TPRG1: variants seen among roughly 807,000 people sequenced by gnomAD.
The protein encoded by TPRG1 is tumor protein p63 regulated 1, also known as tumor protein p63-regulated gene 1 protein.
A neutral mutation model predicts 29.3 loss-of-function variants in TPRG1; 29 were observed. The observed-to-expected ratio is 0.99, with a 90% CI of 0.74 to 1.35. TPRG1 has a LOEUF of 1.35. TPRG1 is among the 40% of genes most tolerant of loss of function. The pLI, the probability that TPRG1 is intolerant of heterozygous loss-of-function variation, is 0.00. For missense variants in TPRG1, 327 were observed against 335.0 expected, an observed-to-expected ratio of 0.98 and a Z score of 0.19; for synonymous variants, 130 against 116.8, an observed-to-expected ratio of 1.11 and a Z score of -0.73.
rs140549216 is a variant in TPRG1, at chr3:189,182,102, C to T, written c.-10+9971C>T. On this transcript the variant is annotated intron_variant, in intron 1 of 5. Transcript: ENST00000345063. Reference sequence around the variant, plus strand: ...CAATTACCTCCCACTGGGTTCCTCCCACAACACATGGGAATTCAAGATGAG... The same window carrying T: ...CAATTACCTCCCACTGGGTTCCTCCTACAACACATGGGAATTCAAGATGAG... Among the ~76,000 whole-genome samples the T allele has an allele frequency of 6.2e-3, 944 of 152,264 alleles. 14 individuals carry two copies. The highest frequency in any genetic ancestry group is 0.022 in the African/African-American group (913 of 41,550).
intron 5 of TPRG1, among the ~76,000 whole-genome samples, chr3:189,317,245 G>A (rs1723679271): frequency 6.6e-6 from 1 of 152,136 alleles, no homozygotes; most frequent in Admixed American, 6.6e-5. Context: ...CAATAGAATT[G>A]TTGAGATGAA....
chr3:189,099,962 G>T (rs557739780), upstream of TPRG1, among the ~76,000 whole-genome samples: 10 of 152,282 alleles, frequency 6.6e-5, no homozygotes, highest in South Asian at 2.1e-3. Context: ...GGTCCATCAT[G>T]CCTAAATACA....
In TPRG1 at chr3:189,207,492, G is replaced by T. The variant is rs1030451513; in HGVS notation, c.108G>T (p.Pro36=). The stretch of plus-strand genomic sequence containing the variant: ...ACCTATCGATGGAGGAAGAGGACCC[G>T]ATGCCAAGACAGATTTCAAGGCAGT... ...TDHLSMEEED[P]MPRQISRQSS... Residue 36 remains proline (P), a synonymous_variant, in exon 2 of 6, where the codon CCG becomes CCT. Coordinates refer to ENST00000345063, the MANE Select transcript of TPRG1 (RefSeq NM_198485.4). 1.2e-6 allele frequency: 2 copies of T among 1,614,010 alleles called. No individual in the cohort carries two copies. The highest frequency in any genetic ancestry group is 1.7e-6 in the Non-Finnish European group (2 of 1,179,968).
chr3:189,180,697 T>A (rs1249558854), intron 1 of TPRG1, among the ~76,000 whole-genome samples: 1 of 152,188 alleles, frequency 6.6e-6, no homozygotes, highest in Non-Finnish European at 1.5e-5. Flanking sequence ...CAGACTGACA[T>A]TGAGTATCTA....
At chr3:189,277,411 G>A (rs1211349970) in intron 4 of TPRG1, among the ~76,000 whole-genome samples, 2 of 152,172 alleles carry the variant, frequency 1.3e-5, no homozygotes, top group African/African-American at 4.8e-5. Flanking sequence ...GATTTGGGTG[G>A]TCTGATAGTT....
chr3:189,197,503 C>T (rs764433427), intron 1 of TPRG1, among the ~76,000 whole-genome samples: 1 of 152,180 alleles, frequency 6.6e-6, no homozygotes, highest in Non-Finnish European at 1.5e-5. Context: ...CCACAGTCTT[C>T]AGGGTCAGGC....
intron 4 of TPRG1, among the ~76,000 whole-genome samples, chr3:189,285,121 G>A (rs932694555): frequency 1.3e-5 from 2 of 152,148 alleles, no homozygotes; most frequent in Admixed American, 6.5e-5. Context: ...CCATCAACAA[G>A]TGGGCGAAGG....
chr3:189,108,299 G>A (rs1157084195), intron 1 of TPRG1, among the ~76,000 whole-genome samples: 1 of 152,114 alleles, frequency 6.6e-6, no homozygotes, highest in Non-Finnish European at 1.5e-5. Flanking sequence ...GGAAGCAGGG[G>A]CAAGCTGACA....
At chr3:189,000,903 T>G (rs1015710908) in exon 2 of TPRG1, 4 of 152,098 alleles carry the variant, frequency 2.6e-5, no homozygotes, top group African/African-American at 9.7e-5. Context: ...CAAGCGCTAC[T>G]GTGCTCAGGT....
At chr3:189,274,652 A>G (rs1435303366) in intron 4 of TPRG1, among the ~76,000 whole-genome samples, 1 of 152,012 alleles carries the variant, frequency 6.6e-6, no homozygotes. Context: ...AACTTTGACC[A>G]CTGATTCAAA....
rs187417549 is a variant in TPRG1 at position 189,053,229 on chromosome 3, C to G, written c.-463+29283C>G. Among the ~76,000 whole-genome samples the G allele has an allele frequency of 7.2e-5, 11 of 152,304 alleles. No homozygotes were observed. The East Asian group carries it at 2.1e-3, about 29-fold the overall frequency. ...AGCTTTTTTCTTTAAACCTCATGAA[C>G]CAACTTATACTAGCTTCCAACTTTT... On this transcript the variant is annotated intron_variant, in intron 4 of 10. Transcript: ENST00000433971.
At chr3:189,120,013 T>C (rs1397475927) in intron 1 of TPRG1, among the ~76,000 whole-genome samples, 1 of 152,194 alleles carries the variant, frequency 6.6e-6, no homozygotes, top group African/African-American at 2.4e-5. Context: ...GTCAAGTGTC[T>C]TGGAGACAAG....
intron 1 of TPRG1, among the ~76,000 whole-genome samples, chr3:189,184,843 C>T (rs1300443139): frequency 3.9e-5 from 6 of 152,204 alleles, no homozygotes; most frequent in African/African-American, 1.4e-4. Context: ...CTGTTCAGAA[C>T]ACTCAGTGTT....
chr3:189,240,647 C>T (rs1311478137), intron 4 of TPRG1: 1 of 152,076 alleles, frequency 6.6e-6, no homozygotes, highest in Non-Finnish European at 1.5e-5. Context: ...ACGAGAACAG[C>T]GCAGGAAAAA....
Position 189,146,932 on chromosome 3 carries a change from A to G in TPRG1, c.-290-652A>G, listed in dbSNP as rs760998309. Among the ~76,000 whole-genome samples the G allele has an allele frequency of 1.7e-4, 26 of 152,178 alleles. 1 individual carries two copies. Among genetic ancestry groups the G allele is most frequent in the Non-Finnish European group, 2.8e-4 (19 of 68,034 alleles). ...GCTAATGCTATTATTTAGTATATGG[A>G]CACAGGTACTGCACTAAACACTTTT... is the stretch of plus-strand genomic sequence containing the variant. On this transcript the variant is annotated intron_variant, in intron 3 of 6. Coordinates refer to the TPRG1 transcript ENST00000412373.
intron 4 of TPRG1, among the ~76,000 whole-genome samples, chr3:189,059,445 A>G (rs896206927): frequency 6.6e-6 from 1 of 152,068 alleles, no homozygotes; most frequent in Non-Finnish European, 1.5e-5. Flanking sequence ...ACAAAAAATT[A>G]GCTGGGTGTG....
intron 4 of TPRG1, among the ~76,000 whole-genome samples, chr3:189,149,704 C>T (rs1414890050): frequency 6.6e-6 from 1 of 152,184 alleles, no homozygotes; most frequent in African/African-American, 2.4e-5. Context: ...TGCCCACTCT[C>T]TCTGCATGGT....
At chr3:189,132,913 T>G (rs1440680321) in intron 3 of TPRG1, among the ~76,000 whole-genome samples, 2 of 152,166 alleles carry the variant, frequency 1.3e-5, no homozygotes, top group Non-Finnish European at 2.9e-5. Context: ...AGCTAAGTTC[T>G]GTGGGGGATG....
chr3:189,121,117 T>C (rs754219367), intron 1 of TPRG1, among the ~76,000 whole-genome samples: 35 of 152,160 alleles, frequency 2.3e-4, no homozygotes, highest in Non-Finnish European at 4.7e-4. Flanking sequence ...AAAACAATTA[T>C]AGAAAGAGTT....
Sources: allele counts gnomAD v4.1 joint callset (sites outside exome capture counted in the v4.1 genomes callset), GRCh38; gene constraint gnomAD v4.1.1; transcripts MANE v1.5; gene names NCBI Gene and HGNC (gene_info 2026-07-23, HGNC 2026-07-21).